The following SUGCT variants were observed in gnomAD, a reference collection of about 807,000 sequenced individuals.
SUGCT encodes succinyl-CoA:glutarate CoA-transferase.
A neutral mutation model predicts 55.0 loss-of-function variants in SUGCT; 41 were observed. That is an observed-to-expected ratio of 0.74 (90% CI 0.58 to 0.97). SUGCT has a LOEUF of 0.97. Ranked by LOEUF, SUGCT falls within the 50% of genes least tolerant of loss-of-function variation. The pLI is 0.00. For missense variants in SUGCT, 568 were observed against 547.8 expected (o/e 1.04, Z -0.37); for synonymous variants, 187 against 200.4 (o/e 0.93, Z 0.56).
chr7:40,812,821 G>C (rs1791490103), intron 13 of SUGCT, among the ~76,000 whole-genome samples: 1 of 152,022 alleles, frequency 6.6e-6, no homozygotes, highest in Non-Finnish European at 1.5e-5. Flanking sequence ...TTGTTAATTT[G>C]AGATCTTTCT....
intron 6 of SUGCT, among the ~76,000 whole-genome samples, chr7:40,206,540 AGT>A (rs1190676952): frequency 1.3e-5 from 2 of 152,328 alleles, no homozygotes; most frequent in Admixed American, 1.3e-4. Context: ...AGGTTTTTCA[AGT>A]GAAAAATATC....
At chr7:40,162,214 C>T (rs925202892) in intron 1 of SUGCT, among the ~76,000 whole-genome samples, 11 of 152,122 alleles carry the variant, frequency 7.2e-5, no homozygotes, top group Non-Finnish European at 1.2e-4. Context: ...ATTTTCAAAT[C>T]CTAAATGATT....
intron 12 of SUGCT, among the ~76,000 whole-genome samples, chr7:40,678,344 G>A (rs2151882129): frequency 6.6e-6 from 1 of 152,170 alleles, no homozygotes; most frequent in Middle Eastern, 3.4e-3. Context: ...AGCTTTTCAT[G>A]CTCCCTGTCC....
At chr7:40,478,749 G>A (rs559540459) in intron 11 of SUGCT, among the ~76,000 whole-genome samples, 4 of 152,134 alleles carry the variant, frequency 2.6e-5, no homozygotes, top group East Asian at 3.9e-4. Flanking sequence ...CTGCAGTCAC[G>A]TTGTTTACTA....
At chr7:40,159,860 CAG>C (rs1195310323) in intron 1 of SUGCT, among the ~76,000 whole-genome samples, 1 of 152,154 alleles carries the variant, frequency 6.6e-6, no homozygotes, top group Non-Finnish European at 1.5e-5. Context: ...ACATGGTATG[CAG>C]AGAGTGCCTA....
At chr7:40,723,979 A>G (rs945800640) in intron 12 of SUGCT, among the ~76,000 whole-genome samples, 1 of 152,206 alleles carries the variant, frequency 6.6e-6, no homozygotes, top group Non-Finnish European at 1.5e-5. Flanking sequence ...AAGGCAGTTT[A>G]TAAGAAACAC....
intron 13 of SUGCT, among the ~76,000 whole-genome samples, chr7:40,851,388 G>A (rs1793845464): frequency 6.6e-6 from 1 of 152,160 alleles, no homozygotes; most frequent in East Asian, 1.9e-4. Flanking sequence ...ATCTCATGTC[G>A]GGTGAGGTAT....
At chr7:40,255,518 G>A (rs1189868636) in intron 7 of SUGCT, among the ~76,000 whole-genome samples, 5 of 151,018 alleles carry the variant, frequency 3.3e-5, no homozygotes, top group South Asian at 4.2e-4. Context: ...AAAATTAGCC[G>A]GGCATGATGG....
chr7:40,260,421 G>C (rs1056211878), intron 7 of SUGCT, among the ~76,000 whole-genome samples: 1 of 152,124 alleles, frequency 6.6e-6, no homozygotes, highest in African/African-American at 2.4e-5. Context: ...TTCAGCTTCA[G>C]TTTGATAATC....
intron 12 of SUGCT, among the ~76,000 whole-genome samples, chr7:40,628,727 CTGTGTGTGTGTGTG>C (rs111460243): frequency 2.0e-5 from 3 of 147,528 alleles, no homozygotes; most frequent in Non-Finnish European, 3.0e-5. Context: ...GTGTTTTGTT[CTGTGTGTGTGTGTG>C]TGTGTGTGTG....
At chr7:41,029,157 T>C in the SUGCT span, among the ~76,000 whole-genome samples, 1 of 152,280 alleles carries the variant, frequency 6.6e-6, no homozygotes, top group East Asian at 1.9e-4. Flanking sequence ...CCAGCCTACA[T>C]GCAGTGCGAT....
chr7:40,828,475 T>C (rs774264497), intron 13 of SUGCT, among the ~76,000 whole-genome samples: 1 of 151,878 alleles, frequency 6.6e-6, no homozygotes, highest in Non-Finnish European at 1.5e-5. Flanking sequence ...AGAGCTGGCA[T>C]ATTGGGGCTT....
At chr7:40,272,085 C>CTATA in intron 7 of SUGCT, among the ~76,000 whole-genome samples, 1 of 121,096 alleles carries the variant, frequency 8.3e-6, no homozygotes, top group Non-Finnish European at 1.7e-5. Flanking sequence ...CTCTCTCTCT[C>CTATA]TCTCTCTCTC....
chr7:40,980,605 G>T, the SUGCT span, among the ~76,000 whole-genome samples: 1 of 152,060 alleles, frequency 6.6e-6, no homozygotes, highest in Non-Finnish European at 1.5e-5. Flanking sequence ...GGTGGGACAG[G>T]CATAGGATAG....
At chr7:40,567,722 T>C (rs951819937) in intron 12 of SUGCT, among the ~76,000 whole-genome samples, 1 of 152,222 alleles carries the variant, frequency 6.6e-6, no homozygotes, top group Non-Finnish European at 1.5e-5. Flanking sequence ...ATGTCACAAG[T>C]TTCTTTTCTT....
intron 6 of SUGCT, among the ~76,000 whole-genome samples, chr7:40,230,485 G>C (rs1251502022): frequency 2.0e-5 from 3 of 152,210 alleles, no homozygotes; most frequent in Non-Finnish European, 4.4e-5. Context: ...GTAGCCACAT[G>C]AAGAATAAAC....
At position 40,749,292 on chromosome 7, in the gene SUGCT, A is replaced by C. The variant is rs1324770545; in HGVS notation, c.1090-142A>C. 4.3e-6 allele frequency: 3 copies of C among 698,516 alleles called. No homozygotes were observed. In the African/African-American group the frequency reaches 5.4e-5, roughly 12 times the overall value. The allele number at this position is 698,516 out of a possible 1,614,324, so 43.3% of individuals were successfully genotyped here. ...AACGTTATTTTTATGTCAAATGTTT[A>C]CTTTCAAATGAAAATGTTAAACACT... is the stretch of plus-strand genomic sequence containing the variant. On this transcript the variant is annotated intron_variant, in intron 12 of 13. Transcript: ENST00000335693.
intron 10 of SUGCT, among the ~76,000 whole-genome samples, chr7:40,451,760 G>C (rs915937885): frequency 2.0e-5 from 3 of 152,146 alleles, no homozygotes; most frequent in Admixed American, 6.5e-5. Flanking sequence ...TCTTACCTAA[G>C]AAAAATCATC....
chr7:40,288,249 C>A (rs1793485549), intron 8 of SUGCT, among the ~76,000 whole-genome samples: 1 of 151,784 alleles, frequency 6.6e-6, no homozygotes, highest in Non-Finnish European at 1.5e-5. Context: ...AGAATTAGTA[C>A]TAATTTTTCT....
Sources: allele counts gnomAD v4.1 joint callset (sites outside exome capture counted in the v4.1 genomes callset), GRCh38; gene constraint gnomAD v4.1.1; transcripts MANE v1.5; gene names NCBI Gene and HGNC (gene_info 2026-07-23, HGNC 2026-07-21).